The following RORA variants were observed in gnomAD, a reference collection of about 807,000 sequenced individuals.
RORA encodes the protein RAR related orphan receptor A.
A neutral mutation model predicts 69.5 loss-of-function variants in RORA; 7 were observed. The ratio of observed to expected loss-of-function variants is 0.10; its 90% CI spans 0.06 to 0.19. The LOEUF is 0.19. Ranked by LOEUF, RORA falls within the 10% of genes least tolerant of loss-of-function variation. The probability of loss-of-function intolerance (pLI) is 1.00; values close to 1 mark genes in which losing one functional copy is unlikely to be tolerated. For missense variants in RORA, 457 were observed against 663.0 expected, an observed-to-expected ratio of 0.69 and a Z score of 3.41; for synonymous variants, 261 against 240.8, an observed-to-expected ratio of 1.08 and a Z score of -0.78.
chr15:60,920,647 C>G (rs1892013893), intron 1 of RORA, among the ~76,000 whole-genome samples: 1 of 152,150 alleles, frequency 6.6e-6, no homozygotes, highest in Admixed American at 6.5e-5. Context: ...TAACAGCGAG[C>G]TATTACAATA....
At chr15:61,016,997 CAT>C (rs1276690592) in intron 1 of RORA, among the ~76,000 whole-genome samples, 4 of 152,260 alleles carry the variant, frequency 2.6e-5, no homozygotes, top group Middle Eastern at 3.4e-3. Flanking sequence ...TCCTATAAAA[CAT>C]ATCATAAAAG....
chr15:60,904,088 G>A (rs1020724844), intron 1 of RORA, among the ~76,000 whole-genome samples: 2 of 152,082 alleles, frequency 1.3e-5, no homozygotes, highest in Admixed American at 6.5e-5. Context: ...AGTAGGTATC[G>A]GTGTCCTTTG....
Position 60,695,887 on chromosome 15 carries a change from G to C in RORA, c.167-17201C>G, listed in dbSNP as rs570069162. On this transcript the variant is annotated intron_variant, in intron 1 of 10. Coordinates refer to ENST00000335670, the MANE Select transcript of RORA (RefSeq NM_134261.3). The stretch of plus-strand genomic sequence containing the variant: ...AATCAGAGTGAAGAGGACTCAGTCA[G>C]GAGCATCAGTCGCAGAATGAATCAG... 2.9e-4 allele frequency among the ~76,000 whole-genome samples: 44 copies of C among 152,202 alleles called. 1 individual carries two copies. In the South Asian group the frequency reaches 8.9e-3, roughly 31 times the overall value.
intron 1 of RORA, among the ~76,000 whole-genome samples, chr15:60,936,265 TTCTG>T (rs1201222294): frequency 1.3e-5 from 2 of 152,344 alleles, no homozygotes; most frequent in South Asian, 2.1e-4. Flanking sequence ...CCTTACAGTC[TTCTG>T]TCTATCTACT....
At position 60,653,402 on chromosome 15, in the gene RORA, A is replaced by G. The variant is rs371384226; in HGVS notation, c.196+25255T>C. Among the ~76,000 whole-genome samples the G allele has an allele frequency of 3.3e-5, 5 of 151,982 alleles. 1 individual carries two copies. The highest frequency in any genetic ancestry group is 3.3e-4 in the Admixed American group (5 of 15,256). Reference sequence around the variant, plus strand: ...AGTGTCTTCTGTTTGGCCAAAGTGAATATCAAGGGAAACCACAGAAGACAA... The same window carrying G: ...AGTGTCTTCTGTTTGGCCAAAGTGAGTATCAAGGGAAACCACAGAAGACAA... On this transcript the variant is annotated intron_variant, in intron 2 of 10. Transcript: ENST00000335670.
At chr15:61,133,353 TTAAGG>T in intron 1 of RORA, among the ~76,000 whole-genome samples, 2 of 152,310 alleles carry the variant, frequency 1.3e-5, no homozygotes, top group Admixed American at 1.3e-4. Flanking sequence ...CTCAGAAGAC[TTAAGG>T]TAATGATTGG....
At chr15:60,741,869 C>A (rs894692089) in intron 1 of RORA, among the ~76,000 whole-genome samples, 1 of 152,154 alleles carries the variant, frequency 6.6e-6, no homozygotes, top group East Asian at 1.9e-4. Context: ...CACAGCTGAT[C>A]CCCTCACTCG....
chr15:60,657,477 G>A (rs944321616), intron 2 of RORA, among the ~76,000 whole-genome samples: 1 of 152,186 alleles, frequency 6.6e-6, no homozygotes, highest in African/African-American at 2.4e-5. Context: ...GACTAAAGGA[G>A]TTACTCCCCA....
intron 1 of RORA, among the ~76,000 whole-genome samples, chr15:61,120,592 T>G (rs1218983632): frequency 1.3e-5 from 2 of 150,686 alleles, no homozygotes; most frequent in Admixed American, 6.6e-5. Flanking sequence ...TCCCAGCTAC[T>G]CGGGAGGCTG....
At chr15:60,660,143 A>C (rs911753718) in intron 2 of RORA, among the ~76,000 whole-genome samples, 1 of 152,224 alleles carries the variant, frequency 6.6e-6, no homozygotes, top group African/African-American at 2.4e-5. Flanking sequence ...ATTTCACCCA[A>C]TTCACAATCC....
chr15:60,943,351 T>C (rs1283342334), intron 1 of RORA, among the ~76,000 whole-genome samples: 1 of 152,114 alleles, frequency 6.6e-6, no homozygotes, highest in Non-Finnish European at 1.5e-5. Flanking sequence ...GAACGTCAAT[T>C]CTGATTCTAT....
intron 1 of RORA, among the ~76,000 whole-genome samples, chr15:61,181,854 T>A (rs2079689775): frequency 6.6e-6 from 1 of 152,148 alleles, no homozygotes; most frequent in Admixed American, 6.5e-5. Flanking sequence ...AGTGGAAATC[T>A]GAGATTGGGT....
At chr15:60,517,397 C>G (rs984236567) in intron 3 of RORA, among the ~76,000 whole-genome samples, 7 of 151,896 alleles carry the variant, frequency 4.6e-5, no homozygotes, top group African/African-American at 1.7e-4. Flanking sequence ...TTAACTCTAC[C>G]CTTGATCAAG....
intron 1 of RORA, among the ~76,000 whole-genome samples, chr15:61,096,129 G>T (rs919725246): frequency 1.3e-5 from 2 of 152,202 alleles, no homozygotes; most frequent in African/African-American, 4.8e-5. Flanking sequence ...AAGACCCCAT[G>T]CGGACAGCAC....
intron 1 of RORA, among the ~76,000 whole-genome samples, chr15:60,900,346 A>G (rs1489349903): frequency 6.6e-6 from 1 of 152,262 alleles, no homozygotes; most frequent in Non-Finnish European, 1.5e-5. Context: ...CACACAAGTT[A>G]CAGCACACAA....
At chr15:60,526,255 AC>A (rs1305500979) in intron 3 of RORA, among the ~76,000 whole-genome samples, 1 of 152,176 alleles carries the variant, frequency 6.6e-6, no homozygotes, top group Admixed American at 6.5e-5. Flanking sequence ...AAAGCTGCCC[AC>A]GTGTCATATT....
chr15:60,814,615 T>C (rs2072784931), intron 1 of RORA, among the ~76,000 whole-genome samples: 1 of 152,062 alleles, frequency 6.6e-6, no homozygotes, highest in African/African-American at 2.4e-5. Flanking sequence ...GCTGCACCAG[T>C]GGATGCTGAG....
chr15:60,783,167 A>G (rs1357246754), intron 1 of RORA, among the ~76,000 whole-genome samples: 12 of 152,184 alleles, frequency 7.9e-5, no homozygotes, highest in Admixed American at 7.2e-4. Flanking sequence ...TCAAACTGCA[A>G]ATACAAAGGG....
intron 1 of RORA, among the ~76,000 whole-genome samples, chr15:61,014,323 T>C (rs1189014943): frequency 6.6e-6 from 1 of 152,234 alleles, no homozygotes; most frequent in Non-Finnish European, 1.5e-5. Context: ...GCCTGGCACA[T>C]AGTAGGTCCT....
Sources: gnomAD v4.1 joint callset for allele counts (sites outside exome capture counted in the v4.1 genomes callset) on GRCh38, gnomAD v4.1.1 for gene constraint, MANE v1.5 for transcripts, NCBI Gene and HGNC (gene_info 2026-07-23, HGNC 2026-07-21) for gene names.